Variants in TCHH observed in about 807,000 individuals in gnomAD.
The protein encoded by TCHH is trichohyalin.
TCHH carries 6 observed loss-of-function variants against 6.3 expected under a neutral mutation model. The ratio of observed to expected loss-of-function variants is 0.95; its 90% CI spans 0.52 to 1.88. TCHH has a LOEUF of 1.88. Among genes scored for constraint, TCHH ranks in the 40% most tolerant of loss-of-function variants. The pLI is 0.01. For missense variants in TCHH, 2,920 were observed against 2,449.1 expected (o/e 1.19, Z -4.06); for synonymous variants, 1,087 against 963.6 (o/e 1.13, Z -2.37).
rs1658178261 is a variant in TCHH, at chr1:152,108,264, C to T, written c.4953G>A (p.Gln1651=). 5 of 1,612,862 alleles carry T rather than the reference C, an allele frequency of 3.1e-6. No homozygotes were observed. The highest frequency in any genetic ancestry group is 2.2e-5 in the South Asian group (2 of 90,950). ...RDRKFLEEEP[Q]LRRQEREQQL... The stretch of plus-strand genomic sequence containing the variant: ...GTTGTTCGCGCTCCTGGCGGCGCAG[C>T]TGCGGTTCCTCCTCGAGGAATTTTC... The change falls in exon 3 of 3, where the codon CAG becomes CAA. Residue 1651 remains glutamine (Q), a synonymous_variant. Transcript: ENST00000614923.
chr1:152,114,267 CAGAAAGAGAA>C (rs1363078969), intron 1 of TCHH, among the ~76,000 whole-genome samples, 156 bp from the exon 2 acceptor site: 1 of 152,168 alleles, frequency 6.6e-6, no homozygotes, highest in East Asian at 1.9e-4. Context: ...AATATTGTAT[CAGAAAGAGAA>C]AGAGCGATCC....
At position 152,111,339 on chromosome 1, in the gene TCHH, C is replaced by T. The variant is rs760969096; in HGVS notation, c.1878G>A (p.Glu626=). Residue 626 remains glutamate, a synonymous_variant, in exon 3 of 3, where the codon GAG becomes GAA. Transcript: ENST00000614923. The part of the protein sequence containing the change: ...REQRLKREEP[E]EERRQQLLKS... Reference sequence around the variant, plus strand: ...TCAGCAGCTGCTGGCGCCTCTCTTCCTCCGGCTCCTCGCGCTTCAGCCGCT... The same window carrying T: ...TCAGCAGCTGCTGGCGCCTCTCTTCTTCCGGCTCCTCGCGCTTCAGCCGCT... The T allele has an allele frequency of 8.7e-6, 14 of 1,601,218 alleles. No homozygotes were observed. The South Asian group carries it at 1.3e-4, about 15-fold the overall frequency.
At position 152,107,846 on chromosome 1, in the gene TCHH, G is replaced by A. The variant is rs1170526114; in HGVS notation, c.5371C>T (p.Gln1791Ter). ...TCGCGGAATTTTCTGTCAGACTCTT[G>A]GCTGCGCAGCTGCTGTTCCTCCCTC... ...QEREEQQLRSQESDRKFREEE... is the reference protein window; with the variant it reads ...QEREEQQLRS The change falls in exon 3 of 3, where the codon CAA becomes TAA. Residue 1791 changes from glutamine (Q) to a stop codon, truncating the protein, a stop_gained. Transcript: ENST00000614923. LOFTEE classifies it low-confidence loss of function (END_TRUNC). 1 of 1,613,966 alleles carries A rather than the reference G, an allele frequency of 6.2e-7. No individual in the cohort carries two copies. Among genetic ancestry groups the A allele is most frequent in the Non-Finnish European group, 8.5e-7 (1 of 1,179,950 alleles).
Position 152,112,624 on chromosome 1 carries a change from C to T in TCHH, c.593G>A (p.Gly198Asp), listed in dbSNP as rs1454168923. ...GTCTGGAAACTCCTCAGTTTCGTGA[C>T]CTTTGCAACTCTGCAGCTGCTCTTC... Reference protein sequence around the residue: ...AEEEQLQSCKGHETEEFPDEE... With the variant: ...AEEEQLQSCKDHETEEFPDEE... The change falls in exon 3 of 3, where the codon GGT becomes GAT. Residue 198 changes from glycine (G) to aspartate (D), a missense_variant. Coordinates refer to ENST00000614923, the MANE Select transcript of TCHH (RefSeq NM_007113.4). 1.2e-6 allele frequency: 2 copies of T among 1,613,650 alleles called. No homozygotes were observed. Among genetic ancestry groups the T allele is most frequent in the South Asian group, 1.1e-5 (1 of 91,040 alleles).
At position 152,110,321 on chromosome 1, in the gene TCHH, G is replaced by A. The variant is rs115331038; in HGVS notation, c.2896C>T (p.Leu966=). 3.3e-4 allele frequency: 535 copies of A among 1,609,572 alleles called. 3 individuals carry two copies. The African/African-American group carries it at 6.3e-3, about 19-fold the overall frequency. Residue 966 remains leucine, a synonymous_variant, in exon 3 of 3, where the codon CTG becomes TTG. Transcript: ENST00000614923. ...RERQYRKDKK[L]QQKEEQLLGE... is the part of the protein sequence containing the mutation. Reference sequence around the variant, plus strand: ...AGCAGCTGCTCTTCCTTCTGCTGCAGCTTCTTATCCTTCCGATATTGCCTT... The same window carrying A: ...AGCAGCTGCTCTTCCTTCTGCTGCAACTTCTTATCCTTCCGATATTGCCTT...
chr1:152,113,420 T>G (rs1164881779), intron 2 of TCHH, among the ~76,000 whole-genome samples: 2 of 152,182 alleles, frequency 1.3e-5, no homozygotes, highest in African/African-American at 4.8e-5. Flanking sequence ...TGTGTAAAAT[T>G]AACAAAGCTA....
rs746348996 is a variant in TCHH at position 152,109,032 on chromosome 1, C to T, written c.4185G>A (p.Glu1395=). 5.6e-6 allele frequency: 9 copies of T among 1,613,074 alleles called. No homozygotes were observed. Among genetic ancestry groups the T allele is most frequent in the Non-Finnish European group, 7.6e-6 (9 of 1,179,718 alleles). ...RQERERKFLK[E]EQQLRCQERE... ...GCTCCTGGCAGCGCAGCTGCTGTTC[C>T]TCCTTAAGGAATTTTCTCTCCCGTT... Residue 1395 remains glutamate, a synonymous_variant, in exon 3 of 3, where the codon GAG becomes GAA. Transcript: ENST00000614923.
In TCHH at chr1:152,110,104, C is replaced by A. The variant is rs1398106917; in HGVS notation, c.3113G>T (p.Arg1038Leu). ...QEEEQLLREE[R>L]EKRRLQERER... is the part of the protein sequence containing the mutation. ...CCGCTCCTGGAGTCTTCTTTTCTCC[C>A]GTTCCTCTCTCAGCAGCTGCTCTTC... The change falls in exon 3 of 3, where the codon CGG becomes CTG. Residue 1038 changes from arginine (R) to leucine (L), a missense_variant. Arg to Leu is a moderately radical substitution (Grantham distance 102). Coordinates refer to ENST00000614923, the MANE Select transcript of TCHH (RefSeq NM_007113.4). The A allele has an allele frequency of 6.2e-7, 1 of 1,607,458 alleles. No individual in the cohort carries two copies. Among genetic ancestry groups the A allele is most frequent in the East Asian group, 2.3e-5 (1 of 44,400 alleles).
rs1384692045 is a variant in TCHH at position 152,107,776 on chromosome 1, GGGCGCAGCTGCTGTTCTTCCCTCTCCT to G, written c.5414_5440del (p.Gln1805_Arg1813del). The G allele has an allele frequency of 1.9e-6, 3 of 1,613,824 alleles. No individual in the cohort carries two copies. Among genetic ancestry groups the G allele is most frequent in the South Asian group, 1.1e-5 (1 of 91,076 alleles). ...GCGATACTTTCCGTCACGCTGTTGG[GGGCGCAGCTGCTGTTCTTCCCTCTCCT>G]GGCGTAGCTGTTCCTCCTCGCGGAA... On this transcript the variant is annotated inframe_deletion, in exon 3 of 3. Transcript: ENST00000614923.
chr1:152,109,622 A>C lies in TCHH; in HGVS notation c.3595T>G (p.Tyr1199Asp). 1 of 1,613,882 alleles carries C rather than the reference A, an allele frequency of 6.2e-7. No individual in the cohort carries two copies. The highest frequency in any genetic ancestry group is 8.5e-7 in the Non-Finnish European group (1 of 1,179,970). Residue 1199 changes from tyrosine (Y) to aspartate (D), a missense_variant, in exon 3 of 3, where the codon TAT becomes GAT. By Grantham distance (160) the Tyr-to-Asp change is radical. Transcript: ENST00000614923. ...CGCTGAAGCTCTTCCTCCTCCCGATACTGCCTCTCCCGCTCCTGGCGCCTT... is the reference window on the plus strand; with the variant it reads ...CGCTGAAGCTCTTCCTCCTCCCGATCCTGCCTCTCCCGCTCCTGGCGCCTT... Reference protein sequence around the residue: ...EKRRQERERQYREEEELQRQK... With the variant: ...EKRRQERERQDREEEELQRQK...
In TCHH at chr1:152,107,819, C is replaced by T. The variant is rs373052740; in HGVS notation, c.5398G>A (p.Glu1800Lys). 1.3e-5 allele frequency: 21 copies of T among 1,614,022 alleles called. No individual in the cohort carries two copies. In the African/African-American group the frequency reaches 2.4e-4, roughly 18 times the overall value. ...TCCCTCTCCTGGCGTAGCTGTTCCT[C>T]CTCGCGGAATTTTCTGTCAGACTCT... ...SQESDRKFRE[E>K]EQLRQEREEQ... The change falls in exon 3 of 3, where the codon GAG becomes AAG. Residue 1800 changes from glutamate (E) to lysine (K), a missense_variant. Physicochemically the swap from Glu to Lys is moderately conservative, Grantham distance 56. Transcript: ENST00000614923.
At position 152,111,009 on chromosome 1, in the gene TCHH, C is replaced by T. The variant is rs1409989133; in HGVS notation, c.2208G>A (p.Glu736=). Residue 736 remains glutamate (E), a synonymous_variant, in exon 3 of 3, where the codon GAG becomes GAA. Coordinates refer to ENST00000614923, the MANE Select transcript of TCHH (RefSeq NM_007113.4). The stretch of plus-strand genomic sequence containing the variant: ...CACTCTCCCGGCGCCGCCTCTTTTC[C>T]TCCTGCTCTTGGCGGCGCCTCTGCC... The part of the protein sequence containing the change: ...QEGQRRRQEQ[E]EKRRRRESEL... The T allele has an allele frequency of 1.2e-6, 2 of 1,613,508 alleles. No individual in the cohort carries two copies. Among genetic ancestry groups the T allele is most frequent in the Non-Finnish European group, 8.5e-7 (1 of 1,180,034 alleles).
chr1:152,108,187 T>C lies in TCHH; in HGVS notation c.5030A>G (p.Gln1677Arg). ...RKFREEEQLL[Q>R]EGEEQQLRRQ... ...GCGCAGCTGCTGTTCCTCCCCTTCC[T>C]GGAGCAGCTGTTCCTCTTCACGGAA... is the stretch of plus-strand genomic sequence containing the variant. The change falls in exon 3 of 3, where the codon CAG becomes CGG. Residue 1677 changes from glutamine to arginine, a missense_variant. Transcript: ENST00000614923. 1 of 1,607,632 alleles carries C rather than the reference T, an allele frequency of 6.2e-7. No individual in the cohort carries two copies. Among genetic ancestry groups the C allele is most frequent in the Non-Finnish European group, 8.5e-7 (1 of 1,177,574 alleles).
chr1:152,107,996 G>T lies in TCHH; in HGVS notation c.5221C>A (p.Arg1741Ser). ...ATTTTTCTGTAGCGTTCTTGGCGGC[G>T]CAGCTGCTCTTGCTCCGTTTCTTGG... ...LRQETEQEQL[R>S]RQERYRKILE... The change falls in exon 3 of 3, where the codon CGC becomes AGC. Residue 1741 changes from arginine to serine, a missense_variant. By Grantham distance (110) the Arg-to-Ser change is moderately radical (BLOSUM62 -1). Transcript: ENST00000614923. 1 of 1,613,698 alleles carries T rather than the reference G, an allele frequency of 6.2e-7. No homozygotes were observed. Among genetic ancestry groups the T allele is most frequent in the Non-Finnish European group, 8.5e-7 (1 of 1,179,902 alleles).
Position 152,114,217 on chromosome 1 carries a change from G to A in TCHH, c.-31-106C>T, listed in dbSNP as rs547001317. The stretch of plus-strand genomic sequence containing the variant: ...TCCCTAAATAATTTGAATTTATAGC[G>A]GTAATTTCAACCTGGACTTTCAGAG... On this transcript the variant is annotated intron_variant, in intron 1 of 2. Transcript: ENST00000614923. 13 of 767,244 alleles carry A rather than the reference G, an allele frequency of 1.7e-5. No individual in the cohort carries two copies. In the African/African-American group the frequency reaches 2.0e-4, roughly 12 times the overall value. The allele number at this position is 767,244 out of a possible 1,614,324, so 47.5% of individuals were successfully genotyped here.
At chr1:152,114,985 G>A (rs941828475) in intron 1 of TCHH, among the ~76,000 whole-genome samples, 3 of 152,182 alleles carry the variant, frequency 2.0e-5, no homozygotes, top group East Asian at 1.9e-4. Context: ...AAGTGTAGTC[G>A]TTCATCTAGC....
chr1:152,113,265 T>C (rs769345502), intron 2 of TCHH, among the ~76,000 whole-genome samples, 187 bp from the exon 3 acceptor site: 1 of 152,200 alleles, frequency 6.6e-6, no homozygotes, highest in Non-Finnish European at 1.5e-5. Context: ...AAGCATATAT[T>C]CGTTTGAAAT....
chr1:152,110,264 C>T lies in TCHH; in HGVS notation c.2953G>A (p.Glu985Lys), dbSNP rs753840845. The T allele has an allele frequency of 5.6e-6, 9 of 1,610,694 alleles. No individual in the cohort carries two copies. The Admixed American group carries it at 1.2e-4, about 21-fold the overall frequency. The change falls in exon 3 of 3, where the codon GAG becomes AAG. Residue 985 changes from glutamate to lysine, a missense_variant. By Grantham distance (56) the Glu-to-Lys change is moderately conservative (BLOSUM62 1). Coordinates refer to ENST00000614923, the MANE Select transcript of TCHH (RefSeq NM_007113.4). ...GEEPEKRRRQEREKKYREEEE... is the reference protein window; with the variant it reads ...GEEPEKRRRQKREKKYREEEE... ...TCCTCGCGGTATTTTTTCTCCCGCT[C>T]CTGGCGCCTTCTCTTCTCCGGTTCC...
At position 152,110,108 on chromosome 1, in the gene TCHH, C is replaced by G; in HGVS notation, c.3109G>C (p.Glu1037Gln). The G allele has an allele frequency of 1.2e-6, 2 of 1,612,048 alleles. No individual in the cohort carries two copies. The highest frequency in any genetic ancestry group is 2.2e-5 in the South Asian group (2 of 90,980). Residue 1037 changes from glutamate to glutamine, a missense_variant, in exon 3 of 3, where the codon GAA becomes CAA. Physicochemically the swap from Glu to Gln is conservative, Grantham distance 29. Transcript: ENST00000614923. The stretch of plus-strand genomic sequence containing the variant: ...TCCTGGAGTCTTCTTTTCTCCCGTT[C>G]CTCTCTCAGCAGCTGCTCTTCTTCC... Reference protein sequence around the residue: ...QQEEEQLLREEREKRRLQERE... With the variant: ...QQEEEQLLREQREKRRLQERE...
Sources: allele counts gnomAD v4.1 joint callset (sites outside exome capture counted in the v4.1 genomes callset), GRCh38; gene constraint gnomAD v4.1.1; transcripts MANE v1.5; gene names NCBI Gene and HGNC (gene_info 2026-07-23, HGNC 2026-07-21).